The following GPR173 variants were observed in gnomAD, a reference collection of about 807,000 sequenced individuals.
The protein encoded by GPR173 is probable G protein-coupled receptor 173.
In GPR173, 2 loss-of-function variants were observed where a neutral mutation model predicts 13.9. The observed-to-expected ratio is 0.14, with a 90% CI of 0.06 to 0.45. The LOEUF (loss-of-function observed/expected upper bound fraction) is 0.45, where lower values mean the gene tolerates loss of function less well. Among genes scored for constraint, GPR173 ranks in the 20% least tolerant of loss-of-function variants. The pLI, the probability that GPR173 is intolerant of heterozygous loss-of-function variation, is 0.98. For missense variants in GPR173, 202 were observed against 340.5 expected (o/e 0.59, Z 3.20); for synonymous variants, 131 against 141.0 (o/e 0.93, Z 0.50).
intron 1 of GPR173, among the ~76,000 whole-genome samples, chrX:53,069,860 C>A (rs1164266379): frequency 9.0e-6 from 1 of 110,752 alleles, no homozygotes; most frequent in African/African-American, 3.3e-5. Context: ...GGTGAGCACA[C>A]CTAATCTATG....
chrX:53,069,176 T>C (rs1556804530), intron 1 of GPR173, among the ~76,000 whole-genome samples: 1 of 105,683 alleles, frequency 9.5e-6, no homozygotes, highest in Non-Finnish European at 1.9e-5. Flanking sequence ...GCCGGGCTGG[T>C]CTCCAACTCC....
chrX:53,074,041 A>AAT (rs1932338024), intron 1 of GPR173, among the ~76,000 whole-genome samples: 1 of 42,125 alleles, frequency 2.4e-5, no homozygotes, highest in Non-Finnish European at 3.5e-5. Flanking sequence ...TAAATATATA[A>AAT]ATATAAATAT....
chrX:53,074,827 G>C (rs900708088), intron 1 of GPR173, among the ~76,000 whole-genome samples: 3 of 98,838 alleles, frequency 3.0e-5, no homozygotes, highest in Non-Finnish European at 6.0e-5. Context: ...TGTGTTAGAA[G>C]AGAGAAATTC....
intron 1 of GPR173, among the ~76,000 whole-genome samples, chrX:53,070,140 G>A (rs1320734353): frequency 1.8e-5 from 2 of 111,674 alleles, no homozygotes; most frequent in African/African-American, 6.5e-5. Flanking sequence ...ACAACTTTGT[G>A]TATATCTGTG....
chrX:53,062,290 C>T lies in GPR173; in HGVS notation c.-98+12806C>T, dbSNP rs868939673. On this transcript the variant is annotated intron_variant, in intron 1 of 1. Transcript: ENST00000332582. ...AATAGATTAATTCCATCCCAATAGCCCCAAAGTCTTGACTCGTTCCAGCAC... is the reference window on the plus strand; with the variant it reads ...AATAGATTAATTCCATCCCAATAGCTCCAAAGTCTTGACTCGTTCCAGCAC... Among the ~76,000 whole-genome samples the T allele has an allele frequency of 4.5e-5, 5 of 110,531 alleles. No individual in the cohort carries two copies. In the South Asian group the frequency reaches 1.9e-3, roughly 42 times the overall value.
intron 1 of GPR173, among the ~76,000 whole-genome samples, chrX:53,069,484 G>A (rs782247256): frequency 1.3e-4 from 15 of 112,035 alleles, no homozygotes; most frequent in African/African-American, 4.9e-4. Context: ...TGTGGTAGGA[G>A]CCTACCAGCT....
intron 1 of GPR173, among the ~76,000 whole-genome samples, chrX:53,056,985 C>T (rs1000930862): frequency 9.0e-6 from 1 of 111,561 alleles, no homozygotes; most frequent in Non-Finnish European, 1.9e-5. Flanking sequence ...CCTTTGTGTT[C>T]GAATCCTAGT....
chrX:53,075,072 ATCTGACCTCACCACCTT>A (rs1932409959), intron 1 of GPR173, among the ~76,000 whole-genome samples: 1 of 105,525 alleles, frequency 9.5e-6, no homozygotes, highest in Non-Finnish European at 1.9e-5. Flanking sequence ...GGCCTCCCTG[ATCTGACCTCACCACCTT>A]TCTGACCTCA....
chrX:53,066,659 C>CAA lies in GPR173; in HGVS notation c.-97-9855_-97-9854dup, dbSNP rs113775543. ...CTCCAGCCTGGGCAACAGCGAGACT[C>CAA]AAAAAAAAAAAATCTGAAAAATGAG... On this transcript the variant is annotated intron_variant, in intron 1 of 1. Coordinates refer to ENST00000332582, the MANE Select transcript of GPR173 (RefSeq NM_018969.6). Among the ~76,000 whole-genome samples the CAA allele has an allele frequency of 9.9e-3, 957 of 96,599 alleles. 14 individuals are homozygous for CAA. The highest frequency in any genetic ancestry group is 0.034 in the African/African-American group (893 of 26,581). 83.9% of individuals were successfully genotyped at this position (96,599 alleles called of 115,157 possible).
At chrX:53,049,694 G>A (rs936164244) in intron 1 of GPR173, among the ~76,000 whole-genome samples, 3 of 112,068 alleles carry the variant, frequency 2.7e-5, no homozygotes, top group African/African-American at 9.8e-5. Context: ...AATGTCCCAT[G>A]AGAAAGGGAA....
At position 53,078,014 on chromosome X, in the gene GPR173, CTCTG is replaced by C. The variant is rs1445875618; in HGVS notation, c.*275_*278del. On this transcript the variant is annotated 3_prime_UTR_variant, in exon 2 of 2. Transcript: ENST00000332582. ...ACAATCTCATTCTCTCTCTCTCTCT[CTCTG>C]TCTCTCTCTCTCTCTCTCTCTCTCT... The C allele has an allele frequency of 1.0e-4, 32 of 310,824 alleles. No homozygotes were observed. Among genetic ancestry groups the C allele is most frequent in the African/African-American group, 5.2e-4 (13 of 24,782 alleles). 25.6% of individuals were successfully genotyped at this position (310,824 alleles called of 1,213,427 possible).
intron 1 of GPR173, among the ~76,000 whole-genome samples, chrX:53,069,062 C>T (rs1457699071): frequency 2.0e-5 from 2 of 102,457 alleles, no homozygotes; most frequent in African/African-American, 3.6e-5. Flanking sequence ...CAGGTTCAAG[C>T]GAGTCTCCTG....
Position 53,077,048 on chromosome X carries a change from G to A in GPR173, c.427G>A (p.Val143Ile). 8.3e-7 allele frequency: 1 copy of A among 1,209,563 alleles called. No homozygotes were observed. Among genetic ancestry groups the A allele is most frequent in the Non-Finnish European group, 1.1e-6 (1 of 893,909 alleles). ...CATGACACTCTGGACATGCGCGGCTGTCATCTGCATGGCCTGGACCCTGTC... is the reference window on the plus strand; with the variant it reads ...CATGACACTCTGGACATGCGCGGCTATCATCTGCATGGCCTGGACCCTGTC... ...KRMTLWTCAAVICMAWTLSVA... is the reference protein window; with the variant it reads ...KRMTLWTCAAIICMAWTLSVA... Residue 143 changes from valine (V) to isoleucine (I), a missense_variant, in exon 2 of 2, where the codon GTC (valine) becomes ATC (isoleucine). Val to Ile is a conservative substitution (Grantham distance 29). Around this residue, in one of 3 missense-constraint regions of GPR173, gnomAD observed 98 missense variants for 137.2 expected, o/e 0.71. Coordinates refer to ENST00000332582, the MANE Select transcript of GPR173 (RefSeq NM_018969.6).
At chrX:53,073,679 G>A (rs1337605303) in intron 1 of GPR173, among the ~76,000 whole-genome samples, 2 of 102,576 alleles carry the variant, frequency 1.9e-5, no homozygotes, top group African/African-American at 7.1e-5. Flanking sequence ...TCAGAGGAGA[G>A]TCAGTGAGTC....
Position 53,070,548 on chromosome X carries a change from T to C in GPR173, c.-97-5977T>C, listed in dbSNP as rs373487763. Among the ~76,000 whole-genome samples the C allele has an allele frequency of 2.5e-4, 28 of 111,128 alleles. 1 individual carries two copies. In the East Asian group the frequency reaches 6.0e-3, roughly 24 times the overall value. ...TACCCAGGCTGGAGTGCAATGGCAC[T>C]ATCTCGGCTCACTGCAACCTCCACC... On this transcript the variant is annotated intron_variant, in intron 1 of 1. Coordinates refer to ENST00000332582, the MANE Select transcript of GPR173 (RefSeq NM_018969.6).
rs1167317409 is a variant in GPR173, at chrX:53,076,766, A to C, written c.145A>C (p.Lys49Gln). Reference protein sequence around the residue: ...GNAILSLLVLKERALHKAPYY... With the variant: ...GNAILSLLVLQERALHKAPYY... ...CGCCATCTTGTCCCTGCTGGTGCTC[A>C]AGGAGCGTGCCCTGCACAAGGCTCC... Residue 49 changes from lysine to glutamine, a missense_variant, in exon 2 of 2, where the codon AAG (lysine) becomes CAG (glutamine). By Grantham distance (53) the Lys-to-Gln change is moderately conservative. Around this residue, in one of 3 missense-constraint regions of GPR173, gnomAD observed 98 missense variants for 137.2 expected, o/e 0.71. Coordinates refer to ENST00000332582, the MANE Select transcript of GPR173 (RefSeq NM_018969.6). The C allele has an allele frequency of 9.1e-6, 11 of 1,210,203 alleles. No homozygotes were observed. The highest frequency in any genetic ancestry group is 2.2e-5 in the Admixed American group (1 of 45,917).
intron 1 of GPR173, among the ~76,000 whole-genome samples, chrX:53,066,994 G>C (rs67733752): frequency 0.3 from 33,607 of 110,551 alleles, 4,973 homozygotes; most frequent in African/African-American, 0.59. Flanking sequence ...CAGACTTATG[G>C]AGTTTCCACA....
chrX:53,076,353 C>T (rs962133529), intron 1 of GPR173, among the ~76,000 whole-genome samples, 172 bp from the exon 2 acceptor site: 20 of 109,589 alleles, frequency 1.8e-4, no homozygotes, highest in African/African-American at 6.7e-4. Flanking sequence ...TCGGTGGCCA[C>T]TTTTCTATCT....
intron 1 of GPR173, among the ~76,000 whole-genome samples, chrX:53,058,116 C>T (rs888695951): frequency 8.9e-6 from 1 of 111,953 alleles, no homozygotes; most frequent in South Asian, 3.7e-4. Context: ...GTGTCCCGGG[C>T]GTGAATGGAG....
Sources: allele counts gnomAD v4.1 joint callset (sites outside exome capture counted in the v4.1 genomes callset), GRCh38; gene constraint gnomAD v4.1.1; regional missense constraint gnomAD v4.1.1; transcripts MANE v1.5; gene names NCBI Gene and HGNC (gene_info 2026-07-23, HGNC 2026-07-21).